The following BCAT1 variants were observed in gnomAD, a reference collection of about 807,000 sequenced individuals.
BCAT1 encodes the protein branched chain amino acid transaminase 1.
Under a neutral mutation model 52.4 loss-of-function variants are expected in BCAT1, and 48 were observed. The observed-to-expected ratio is 0.92, with a 90% CI of 0.73 to 1.16. The LOEUF (loss-of-function observed/expected upper bound fraction) is 1.16, where lower values mean the gene tolerates loss of function less well. Among genes scored for constraint, BCAT1 ranks in the 50% most tolerant of loss-of-function variants. The pLI is 0.00. For missense variants in BCAT1, 451 were observed against 457.1 expected (o/e 0.99, Z 0.12); for synonymous variants, 167 against 161.3 (o/e 1.04, Z -0.27).
At chr12:24,852,984 G>A (rs940444870) in intron 5 of BCAT1, among the ~76,000 whole-genome samples, 1 of 152,230 alleles carries the variant, frequency 6.6e-6, no homozygotes, top group Non-Finnish European at 1.5e-5. Flanking sequence ...TAGGCAGAAA[G>A]AGAGGAAGAG....
At chr12:24,902,464 A>G in intron 1 of BCAT1, 1 of 969,550 alleles carries the variant, frequency 1.0e-6, no homozygotes. Context: ...AATTGGGAAA[A>G]CCTGCAGACA....
intron 4 of BCAT1, 81 bp from the exon 5 acceptor site, chr12:24,878,730 A>G: frequency 2.3e-6 from 3 of 1,294,142 alleles, no homozygotes; most frequent in Non-Finnish European, 2.1e-6. Context: ...GAAGCATTTA[A>G]ACTGTTAAAA....
chr12:24,889,166 G>A (rs995708132), intron 3 of BCAT1, among the ~76,000 whole-genome samples: 2 of 152,162 alleles, frequency 1.3e-5, no homozygotes, highest in Non-Finnish European at 2.9e-5. Flanking sequence ...AGAAAGAACT[G>A]TTTCTGTTTC....
chr12:24,925,343 A>G (rs969511400), intron 1 of BCAT1, among the ~76,000 whole-genome samples: 1 of 152,136 alleles, frequency 6.6e-6, no homozygotes, highest in African/African-American at 2.4e-5. Context: ...CAGCTGACCA[A>G]CTTGCCCTAT....
At chr12:24,818,285 A>G (rs1459173271) in intron 10 of BCAT1, among the ~76,000 whole-genome samples, 2 of 152,210 alleles carry the variant, frequency 1.3e-5, no homozygotes, top group Non-Finnish European at 2.9e-5. Flanking sequence ...AAAACCAAAT[A>G]CCTGAAAAGA....
rs142817444 is a variant in BCAT1, at chr12:24,835,447, G to A, written c.903+1064C>T. On this transcript the variant is annotated intron_variant, in intron 8 of 10. Transcript: ENST00000261192. Reference sequence around the variant, plus strand: ...TCTTTGGAGACCATTTTAACACCTGGGTCAAAAGTTCCATCCAAGAACCTT... The same window carrying A: ...TCTTTGGAGACCATTTTAACACCTGAGTCAAAAGTTCCATCCAAGAACCTT... Among the ~76,000 whole-genome samples the A allele has an allele frequency of 9.9e-5, 15 of 151,802 alleles. No individual in the cohort carries two copies. The East Asian group carries it at 2.9e-3, about 29-fold the overall frequency.
chr12:24,948,972 G>A lies in BCAT1; in HGVS notation c.-40C>T, dbSNP rs756548962. 3 of 1,584,010 alleles carry A rather than the reference G, an allele frequency of 1.9e-6. 1 individual carries two copies. Among genetic ancestry groups the A allele is most frequent in the Middle Eastern group, 3.3e-4 (2 of 6,000 alleles). On this transcript the variant is annotated 5_prime_UTR_variant, in exon 1 of 11. Transcript: ENST00000261192. ...CGAGGGAAGCTCGAGCTGAGCGGAGGGCAGATCCCAAGGGTCGTAGCCCCT... is the reference window on the plus strand; with the variant it reads ...CGAGGGAAGCTCGAGCTGAGCGGAGAGCAGATCCCAAGGGTCGTAGCCCCT...
intron 1 of BCAT1, among the ~76,000 whole-genome samples, chr12:24,936,972 C>T (rs1014841948): frequency 3.9e-5 from 6 of 152,114 alleles, no homozygotes; most frequent in Non-Finnish European, 5.9e-5. Flanking sequence ...TCCTTGGGGG[C>T]TATGACTCAG....
intron 5 of BCAT1, among the ~76,000 whole-genome samples, chr12:24,867,104 A>T (rs1049875980): frequency 6.6e-6 from 1 of 152,108 alleles, no homozygotes; most frequent in Non-Finnish European, 1.5e-5. Flanking sequence ...TAAGAGCTGC[A>T]ACACTCACCG....
chr12:24,919,025 AATTG>A (rs1943462345), intron 1 of BCAT1, among the ~76,000 whole-genome samples: 1 of 152,212 alleles, frequency 6.6e-6, no homozygotes, highest in Admixed American at 6.5e-5. Flanking sequence ...CTACTCAATA[AATTG>A]ATTGAATATA....
intron 5 of BCAT1, 119 bp from the exon 6 acceptor site, chr12:24,850,068 C>A: frequency 1.0e-6 from 1 of 981,808 alleles, no homozygotes; most frequent in African/African-American, 1.6e-5. Flanking sequence ...GAGCTATTAC[C>A]ATACTTTTAA....
intron 5 of BCAT1, among the ~76,000 whole-genome samples, chr12:24,872,076 G>C (rs1942197556): frequency 6.6e-6 from 1 of 152,084 alleles, no homozygotes; most frequent in Non-Finnish European, 1.5e-5. Flanking sequence ...AAATCTTTCA[G>C]ATTCTTCTGT....
intron 1 of BCAT1, among the ~76,000 whole-genome samples, chr12:24,934,925 A>C (rs139119238): frequency 2.2e-4 from 33 of 152,238 alleles, no homozygotes; most frequent in Non-Finnish European, 4.4e-4. Context: ...TGGTTCTTCC[A>C]GTTTTAGGGT....
At chr12:24,854,104 A>C (rs1941596029) in intron 5 of BCAT1, among the ~76,000 whole-genome samples, 1 of 152,270 alleles carries the variant, frequency 6.6e-6, no homozygotes, top group South Asian at 2.1e-4. Context: ...ACTGAGTGTG[A>C]TGGAAAATAA....
chr12:24,903,657 A>G (rs913833355), intron 1 of BCAT1: 1 of 152,192 alleles, frequency 6.6e-6, no homozygotes, highest in Non-Finnish European at 1.5e-5. Flanking sequence ...AAAGATCTCA[A>G]TGCCTTTCAT....
intron 10 of BCAT1, among the ~76,000 whole-genome samples, chr12:24,828,307 TTTTC>T (rs1222881931): frequency 6.6e-6 from 1 of 152,238 alleles, no homozygotes; most frequent in African/African-American, 2.4e-5. Context: ...GGATAATCTC[TTTTC>T]TGAGTAGCCC....
intron 5 of BCAT1, 72 bp from the exon 6 acceptor site, chr12:24,850,021 T>G: frequency 7.6e-7 from 1 of 1,323,630 alleles, no homozygotes; most frequent in East Asian, 2.5e-5. Context: ...TAGAATAGAT[T>G]TATATCTGTC....
Position 24,901,900 on chromosome 12 carries a change from A to T in BCAT1, c.7-15T>A, listed in dbSNP as rs1159329301. On this transcript the variant is annotated splice_polypyrimidine_tract_variant and intron_variant, in intron 1 of 10. Coordinates refer to ENST00000261192, the MANE Select transcript of BCAT1 (RefSeq NM_005504.7). ...TTACTGCAATCCTTAAAGAAGAATT[A>T]AACCACCATTAAGTAAATGCAGGTG... The T allele has an allele frequency of 6.2e-7, 1 of 1,613,466 alleles. No individual in the cohort carries two copies. Among genetic ancestry groups the T allele is most frequent in the East Asian group, 2.2e-5 (1 of 44,892 alleles).
intron 1 of BCAT1, among the ~76,000 whole-genome samples, chr12:24,914,900 A>C (rs1383375356): frequency 6.6e-6 from 1 of 152,240 alleles, no homozygotes; most frequent in African/African-American, 2.4e-5. Context: ...AATTGTAGGC[A>C]AATAACAAAA....
Sources: allele counts gnomAD v4.1 joint callset (sites outside exome capture counted in the v4.1 genomes callset), GRCh38; gene constraint gnomAD v4.1.1; transcripts MANE v1.5; gene names NCBI Gene and HGNC (gene_info 2026-07-23, HGNC 2026-07-21).